The following BCKDHB variants were observed in gnomAD, a reference collection of about 807,000 sequenced individuals.
BCKDHB encodes 2-oxoisovalerate dehydrogenase subunit beta, mitochondrial.
Under a neutral mutation model 48.5 loss-of-function variants are expected in BCKDHB, and 41 were observed. That is an observed-to-expected ratio of 0.85 (90% CI 0.66 to 1.10). BCKDHB has a LOEUF of 1.10. Ranked by LOEUF, BCKDHB falls within the 50% of genes least tolerant of loss-of-function variation. The pLI is 0.00. For synonymous variants in BCKDHB, 201 were observed against 174.8 expected (o/e 1.15, Z -1.18); for missense variants, 496 against 494.2 (o/e 1.00, Z -0.03).
At chr6:80,352,067 C>T in the BCKDHB span, among the ~76,000 whole-genome samples, 408 of 152,008 alleles carry the variant, frequency 2.7e-3, 2 homozygotes, top group African/African-American at 9.3e-3. Context: ...GTGATCTGCC[C>T]GCCTCGGCCT....
intron 9 of BCKDHB, among the ~76,000 whole-genome samples, chr6:80,337,195 T>C (rs1769636303): frequency 6.6e-6 from 1 of 152,140 alleles, no homozygotes; most frequent in Non-Finnish European, 1.5e-5. Flanking sequence ...CAAATGTTCA[T>C]GGCAGATTTA....
At chr6:80,220,304 G>GTT (rs56967096) in intron 8 of BCKDHB, among the ~76,000 whole-genome samples, 1,568 of 60,846 alleles carry the variant, frequency 0.026, 97 homozygotes, top group Non-Finnish European at 0.033. Flanking sequence ...CATGCTATTT[G>GTT]TTTTTTTTTT....
chr6:80,241,582 A>G (rs1776392351), intron 8 of BCKDHB, among the ~76,000 whole-genome samples: 2 of 152,182 alleles, frequency 1.3e-5, no homozygotes, highest in African/African-American at 4.8e-5. Flanking sequence ...TCACCAGCGG[A>G]GGGTGCAGAG....
At chr6:80,184,674 T>C in intron 6 of BCKDHB, among the ~76,000 whole-genome samples, 1 of 152,198 alleles carries the variant, frequency 6.6e-6, no homozygotes, top group East Asian at 1.9e-4. Flanking sequence ...AAAAAGACTT[T>C]ATCTCTCCTC....
intron 9 of BCKDHB, among the ~76,000 whole-genome samples, chr6:80,283,382 A>G (rs1470921542): frequency 6.6e-6 from 1 of 152,072 alleles, no homozygotes; most frequent in African/African-American, 2.4e-5. Flanking sequence ...TCCCTGAGTA[A>G]TAAGTGCCCC....
the BCKDHB span, among the ~76,000 whole-genome samples, chr6:80,418,852 G>T: frequency 6.6e-6 from 1 of 152,186 alleles, no homozygotes; most frequent in African/African-American, 2.4e-5. Context: ...TGTTCATCAC[G>T]GTAGCAGAGG....
At chr6:80,124,012 TTTCTC>T (rs1465000822) in intron 1 of BCKDHB, among the ~76,000 whole-genome samples, 7 of 152,220 alleles carry the variant, frequency 4.6e-5, no homozygotes, top group African/African-American at 1.7e-4. Context: ...TCTTTCCTGT[TTTCTC>T]TTGTGGGCAT....
At chr6:80,180,158 A>C (rs550090011) in intron 6 of BCKDHB, among the ~76,000 whole-genome samples, 5 of 152,210 alleles carry the variant, frequency 3.3e-5, no homozygotes, top group Admixed American at 6.5e-5. Flanking sequence ...TATATTCTTT[A>C]TGCAGCAATT....
At chr6:80,224,665 G>A (rs1775604610) in intron 8 of BCKDHB, among the ~76,000 whole-genome samples, 1 of 152,142 alleles carries the variant, frequency 6.6e-6, no homozygotes, top group African/African-American at 2.4e-5. Flanking sequence ...CAAGTTAAGT[G>A]CTGGGATTAC....
At chr6:80,240,956 CT>C in intron 8 of BCKDHB, among the ~76,000 whole-genome samples, 1 of 152,080 alleles carries the variant, frequency 6.6e-6, no homozygotes, top group Non-Finnish European at 1.5e-5. Context: ...TTTCTTTTTA[CT>C]CTTTTTTCTC....
At chr6:80,243,255 C>T (rs1229414792) in intron 8 of BCKDHB, among the ~76,000 whole-genome samples, 2 of 152,138 alleles carry the variant, frequency 1.3e-5, no homozygotes, top group Non-Finnish European at 2.9e-5. Context: ...ATGTTTCATT[C>T]TTCAGCACCA....
At chr6:80,168,627 G>C (rs972518913) in intron 4 of BCKDHB, among the ~76,000 whole-genome samples, 1 of 138,452 alleles carries the variant, frequency 7.2e-6, no homozygotes, top group Admixed American at 7.2e-5. Context: ...GAGGGAGGGA[G>C]GGAGGGAGGG....
At chr6:80,245,329 A>G (rs1314058754) in intron 8 of BCKDHB, among the ~76,000 whole-genome samples, 1 of 152,084 alleles carries the variant, frequency 6.6e-6, no homozygotes. Flanking sequence ...AAACGACCTT[A>G]GGGGGATAGT....
intron 3 of BCKDHB, among the ~76,000 whole-genome samples, chr6:80,158,396 C>G (rs1443766942): frequency 2.0e-5 from 3 of 152,140 alleles, no homozygotes; most frequent in Non-Finnish European, 4.4e-5. Context: ...GGTTCACAAA[C>G]AGCTATTTCT....
At chr6:80,127,949 A>T (rs1391173110) in intron 2 of BCKDHB, among the ~76,000 whole-genome samples, 1 of 152,134 alleles carries the variant, frequency 6.6e-6, no homozygotes, top group South Asian at 2.1e-4. Context: ...TCAGCTATTT[A>T]TTTATAAAAT....
chr6:80,450,829 C>G, the BCKDHB span, among the ~76,000 whole-genome samples: 1 of 152,118 alleles, frequency 6.6e-6, no homozygotes. Flanking sequence ...GTAATCATCT[C>G]TAGTCTTCAG....
chr6:80,125,874 G>T (rs1273406266), intron 1 of BCKDHB, among the ~76,000 whole-genome samples: 1 of 152,156 alleles, frequency 6.6e-6, no homozygotes, highest in Admixed American at 6.6e-5. Context: ...AATATTGTGA[G>T]AATTATGAAA....
chr6:80,365,455 A>T, the BCKDHB span, among the ~76,000 whole-genome samples: 1 of 152,046 alleles, frequency 6.6e-6, no homozygotes, highest in African/African-American at 2.4e-5. Context: ...TATTAATATT[A>T]ATATTCCTTG....
At chr6:80,280,005 A>G (rs1348298602) in intron 9 of BCKDHB, among the ~76,000 whole-genome samples, 2 of 152,204 alleles carry the variant, frequency 1.3e-5, no homozygotes, top group Admixed American at 6.5e-5. Context: ...AACTATATGA[A>G]TAAGGAATTA....
Sources: gnomAD v4.1 joint callset for allele counts (sites outside exome capture counted in the v4.1 genomes callset) on GRCh38, gnomAD v4.1.1 for gene constraint, MANE v1.5 for transcripts, NCBI Gene and HGNC (gene_info 2026-07-23, HGNC 2026-07-21) for gene names.